The following RNFT2 variants were observed in gnomAD, a reference collection of about 807,000 sequenced individuals.
The protein encoded by RNFT2 is ring finger protein, transmembrane 2, also known as E3 ubiquitin-protein ligase RNFT2.
Under a neutral mutation model 53.0 loss-of-function variants are expected in RNFT2, and 36 were observed. The observed-to-expected ratio is 0.68, with a 90% CI of 0.52 to 0.90. The LOEUF is 0.90. Ranked by LOEUF, RNFT2 falls within the 40% of genes least tolerant of loss-of-function variation. RNFT2 has a pLI of 0.00. For missense variants in RNFT2, 514 were observed against 585.6 expected, an observed-to-expected ratio of 0.88 and a Z score of 1.26; for synonymous variants, 260 against 253.2, an observed-to-expected ratio of 1.03 and a Z score of -0.26.
intron 7 of RNFT2, among the ~76,000 whole-genome samples, chr12:116,787,973 G>A (rs947187978): frequency 6.6e-6 from 1 of 152,132 alleles, no homozygotes; most frequent in African/African-American, 2.4e-5. Flanking sequence ...TGTTGCCCAG[G>A]CTGGAGTGCA....
At chr12:116,777,203 C>T (rs1873469860) in intron 6 of RNFT2, among the ~76,000 whole-genome samples, 1 of 152,104 alleles carries the variant, frequency 6.6e-6, no homozygotes, top group Admixed American at 6.6e-5. Flanking sequence ...CAGTCGTGAG[C>T]CACCGTGCCC....
intron 7 of RNFT2, among the ~76,000 whole-genome samples, chr12:116,823,020 A>G (rs978953461): frequency 6.6e-6 from 1 of 152,150 alleles, no homozygotes; most frequent in African/African-American, 2.4e-5. Context: ...CGAAAAGACA[A>G]AAGGAAAAAT....
At chr12:116,804,436 G>T (rs1368452893) in intron 7 of RNFT2, among the ~76,000 whole-genome samples, 1 of 152,146 alleles carries the variant, frequency 6.6e-6, no homozygotes, top group East Asian at 1.9e-4. Context: ...AATATGTGTA[G>T]CTCTAGTTCT....
chr12:116,741,501 T>C (rs562491403), intron 3 of RNFT2, among the ~76,000 whole-genome samples: 1 of 152,372 alleles, frequency 6.6e-6, no homozygotes, highest in South Asian at 2.1e-4. Flanking sequence ...TCTGGTTCAC[T>C]GATGGCCATT....
rs1356203995 is a variant in RNFT2 at position 116,766,919 on chromosome 12, G to A, written c.728+5G>A. The A allele has an allele frequency of 6.4e-7, 1 of 1,571,108 alleles. No individual in the cohort carries two copies. Among genetic ancestry groups the A allele is most frequent in the Admixed American group, 1.9e-5 (1 of 53,562 alleles). ...CTCCCAGCAGCTGTACAACAGGTGA[G>A]CATGGGAATCCAACCCCCACGGTGG... On this transcript the variant is annotated splice_donor_5th_base_variant and intron_variant, in intron 6 of 10. Transcript: ENST00000257575.
chr12:116,753,886 G>A, intron 4 of RNFT2, 98 bp from the exon 5 acceptor site: 1 of 848,732 alleles, frequency 1.2e-6, no homozygotes, highest in Non-Finnish European at 2.0e-6. Flanking sequence ...TCAACTCTGA[G>A]GGGACCAGGG....
chr12:116,802,893 G>T (rs569288978), intron 7 of RNFT2, among the ~76,000 whole-genome samples: 2 of 151,362 alleles, frequency 1.3e-5, no homozygotes, highest in African/African-American at 4.9e-5. Context: ...CCAGGAGTTC[G>T]AACCCAGCCT....
At chr12:116,746,649 A>C (rs1318515694) in intron 3 of RNFT2, among the ~76,000 whole-genome samples, 2 of 152,114 alleles carry the variant, frequency 1.3e-5, no homozygotes, top group Non-Finnish European at 2.9e-5. Context: ...GAATGATGAG[A>C]AAGGGGCACA....
At chr12:116,834,827 C>T (rs1876874541) in intron 8 of RNFT2, among the ~76,000 whole-genome samples, 1 of 150,842 alleles carries the variant, frequency 6.6e-6, no homozygotes, top group Non-Finnish European at 1.5e-5. Flanking sequence ...ACAAACCCTT[C>T]AAGGTACATA....
chr12:116,746,075 G>A (rs1219230738), intron 3 of RNFT2, among the ~76,000 whole-genome samples: 1 of 152,052 alleles, frequency 6.6e-6, no homozygotes, highest in African/African-American at 2.4e-5. Context: ...CATCTCTACA[G>A]AAAATACAAA....
intron 7 of RNFT2, among the ~76,000 whole-genome samples, chr12:116,830,817 T>C (rs2137197152): frequency 6.6e-6 from 1 of 151,822 alleles, no homozygotes; most frequent in East Asian, 1.9e-4. Flanking sequence ...GACAGGAGAA[T>C]TGCTTGAACC....
At chr12:116,741,886 A>G (rs989881345) in intron 3 of RNFT2, among the ~76,000 whole-genome samples, 7 of 152,170 alleles carry the variant, frequency 4.6e-5, no homozygotes, top group African/African-American at 1.7e-4. Context: ...CCTGGGCTCA[A>G]GCGATCTTCC....
intron 7 of RNFT2, among the ~76,000 whole-genome samples, chr12:116,816,472 A>G (rs570828751): frequency 3.9e-5 from 6 of 152,214 alleles, no homozygotes; most frequent in Non-Finnish European, 8.8e-5. Flanking sequence ...CCTCCTCGCC[A>G]GAAGAGCAGA....
intron 7 of RNFT2, among the ~76,000 whole-genome samples, chr12:116,803,087 C>A (rs1336676630): frequency 3.0e-5 from 3 of 98,758 alleles, no homozygotes; most frequent in African/African-American, 6.2e-5. Context: ...AGAGCAAGAC[C>A]CTGTCTTAAA....
intron 3 of RNFT2, among the ~76,000 whole-genome samples, chr12:116,748,511 A>G (rs1532395): frequency 0.81 from 123,004 of 152,146 alleles, 50,003 homozygotes; most frequent in East Asian, 0.99. Flanking sequence ...CCACCCCCAG[A>G]AATTCTATTC....
intron 5 of RNFT2, among the ~76,000 whole-genome samples, chr12:116,761,171 C>T (rs747876643): frequency 9.9e-5 from 15 of 152,028 alleles, no homozygotes; most frequent in East Asian, 3.9e-4. Context: ...CTTTTTGAGA[C>T]GGAATCTTGC....
At position 116,775,848 on chromosome 12, in the gene RNFT2, G is replaced by A. The variant is rs561852342; in HGVS notation, c.729-3347G>A. On this transcript the variant is annotated intron_variant, in intron 6 of 10. Coordinates refer to ENST00000257575, the MANE Select transcript of RNFT2 (RefSeq NM_001382266.1). ...ACTTGAGGCCAGGAGTCTGAGACCA[G>A]CCTGGCCAACATGGCGAAACCCTGT... 1.3e-4 allele frequency among the ~76,000 whole-genome samples: 20 copies of A among 152,320 alleles called. No individual in the cohort carries two copies. The South Asian group carries it at 3.3e-3, about 25-fold the overall frequency.
At chr12:116,820,754 C>G (rs180984976) in intron 7 of RNFT2, among the ~76,000 whole-genome samples, 1 of 152,142 alleles carries the variant, frequency 6.6e-6, no homozygotes, top group African/African-American at 2.4e-5. Flanking sequence ...CTAGCAACTT[C>G]GAACAACATA....
intron 6 of RNFT2, among the ~76,000 whole-genome samples, chr12:116,776,892 C>G (rs1873452193): frequency 6.6e-6 from 1 of 150,732 alleles, no homozygotes; most frequent in African/African-American, 2.4e-5. Flanking sequence ...TCTTAGTGCC[C>G]CAGTGTCCTC....
Sources: gnomAD v4.1 joint callset for allele counts (sites outside exome capture counted in the v4.1 genomes callset) on GRCh38, gnomAD v4.1.1 for gene constraint, MANE v1.5 for transcripts, NCBI Gene and HGNC (gene_info 2026-07-23, HGNC 2026-07-21) for gene names.